TENM4: variants seen among roughly 807,000 people sequenced by gnomAD.
The protein encoded by TENM4 is teneurin transmembrane protein 4.
In TENM4, 82 loss-of-function variants were observed where a neutral mutation model predicts 243.3. The observed-to-expected ratio is 0.34, with a 90% CI of 0.28 to 0.40. TENM4 has a LOEUF of 0.40. Among genes scored for constraint, TENM4 ranks in the 10% least tolerant of loss-of-function variants. The probability of loss-of-function intolerance (pLI) is 1.00; values close to 1 mark genes in which losing one functional copy is unlikely to be tolerated. For synonymous variants in TENM4, 1,412 were observed against 1,456.3 expected, an observed-to-expected ratio of 0.97 and a Z score of 0.69; for missense variants, 3,138 against 3,673.3, an observed-to-expected ratio of 0.85 and a Z score of 3.77.
intron 1 of TENM4, among the ~76,000 whole-genome samples, chr11:79,397,068 C>G (rs1051217990): frequency 2.0e-5 from 3 of 152,096 alleles, no homozygotes; most frequent in African/African-American, 7.2e-5. Flanking sequence ...GACCTCTGGG[C>G]CTCAGAAGAG....
intron 4 of TENM4, among the ~76,000 whole-genome samples, chr11:79,081,790 T>C (rs7124001): frequency 0.93 from 141,755 of 152,082 alleles, 66,461 homozygotes; most frequent in Middle Eastern, 0.99. Context: ...GAAGAAAATT[T>C]CTGTTTTTAT....
At chr11:79,430,483 C>T (rs902370440) in intron 1 of TENM4, among the ~76,000 whole-genome samples, 1 of 152,204 alleles carries the variant, frequency 6.6e-6, no homozygotes, top group African/African-American at 2.4e-5. Flanking sequence ...TGCCTACTCT[C>T]CCTCTTCTGG....
intron 2 of TENM4, among the ~76,000 whole-genome samples, chr11:79,224,013 C>G (rs1303124174): frequency 9.2e-5 from 14 of 152,190 alleles, no homozygotes; most frequent in Admixed American, 9.2e-4. Context: ...ATACAAGACC[C>G]TCCAGAGCTC....
At position 79,343,790 on chromosome 11, in the gene TENM4, G is replaced by A. The variant is rs561873019; in HGVS notation, c.-320-46247C>T. ...CCTGGCACCCAATCAACAAGATGTTGAAGGTCAGCCATCTGGGGTCCTTTG... is the reference window on the plus strand; with the variant it reads ...CCTGGCACCCAATCAACAAGATGTTAAAGGTCAGCCATCTGGGGTCCTTTG... On this transcript the variant is annotated intron_variant, in intron 1 of 33. Transcript: ENST00000278550. Among the ~76,000 whole-genome samples, 12 of 152,326 alleles carry A rather than the reference G, an allele frequency of 7.9e-5. No individual in the cohort carries two copies. The South Asian group carries it at 1.9e-3, about 24-fold the overall frequency.
intron 1 of TENM4, among the ~76,000 whole-genome samples, chr11:79,431,845 A>G (rs1179144439): frequency 6.6e-6 from 1 of 152,228 alleles, no homozygotes; most frequent in African/African-American, 2.4e-5. Flanking sequence ...TGAATTACTC[A>G]GTAGTTGCCA....
intron 1 of TENM4, among the ~76,000 whole-genome samples, chr11:79,418,244 C>G (rs1459567871): frequency 6.6e-6 from 1 of 152,182 alleles, no homozygotes; most frequent in Admixed American, 6.5e-5. Flanking sequence ...GACAGAGATG[C>G]AGGACATTTC....
At chr11:79,373,124 C>T (rs1016333134) in intron 1 of TENM4, among the ~76,000 whole-genome samples, 2 of 152,128 alleles carry the variant, frequency 1.3e-5, no homozygotes, top group Admixed American at 6.5e-5. Flanking sequence ...TTGTCTTTTT[C>T]ACTGCTGTAT....
At chr11:79,436,379 T>A (rs1859271359) in intron 1 of TENM4, among the ~76,000 whole-genome samples, 1 of 152,060 alleles carries the variant, frequency 6.6e-6, no homozygotes, top group Non-Finnish European at 1.5e-5. Flanking sequence ...TGTTGCAAAC[T>A]AAGTAATATT....
intron 2 of TENM4, among the ~76,000 whole-genome samples, chr11:79,296,059 T>C (rs183505298): frequency 4.6e-5 from 7 of 152,238 alleles, no homozygotes. Flanking sequence ...TACACATATA[T>C]TGTAAGACAG....
At chr11:79,078,100 G>T (rs1217565350) in intron 4 of TENM4, among the ~76,000 whole-genome samples, 3 of 152,156 alleles carry the variant, frequency 2.0e-5, no homozygotes, top group Admixed American at 6.5e-5. Context: ...ACAGTACAGT[G>T]CTCGAAAAAA....
chr11:78,846,809 A>G (rs1858405006), intron 12 of TENM4, among the ~76,000 whole-genome samples: 1 of 152,152 alleles, frequency 6.6e-6, no homozygotes. Flanking sequence ...TCTTTGTTGA[A>G]CCAAACAGAC....
intron 4 of TENM4, chr11:79,093,357 C>T (rs1003587221): frequency 1.3e-5 from 2 of 152,232 alleles, no homozygotes; most frequent in African/African-American, 4.8e-5. Context: ...TAAAGGTAAG[C>T]TCTGCTGGCC....
At chr11:78,768,062 C>T (rs766759279) in intron 18 of TENM4, among the ~76,000 whole-genome samples, 3 of 152,212 alleles carry the variant, frequency 2.0e-5, no homozygotes, top group African/African-American at 7.2e-5. Context: ...AAACTGCCCC[C>T]GTTTGGCCAA....
intron 2 of TENM4, among the ~76,000 whole-genome samples, chr11:79,242,033 G>T (rs1340351624): frequency 1.3e-5 from 2 of 152,280 alleles, no homozygotes; most frequent in Non-Finnish European, 2.9e-5. Context: ...TTGCATTTGG[G>T]CCCCATCTCA....
At chr11:79,357,914 TC>T (rs1445564960) in intron 1 of TENM4, among the ~76,000 whole-genome samples, 2 of 152,190 alleles carry the variant, frequency 1.3e-5, no homozygotes, top group African/African-American at 4.8e-5. Flanking sequence ...AACACTCAAT[TC>T]CTGGAACATC....
At chr11:78,998,800 T>C (rs1053096909) in intron 6 of TENM4, among the ~76,000 whole-genome samples, 5 of 152,246 alleles carry the variant, frequency 3.3e-5, no homozygotes, top group Middle Eastern at 3.4e-3. Context: ...TCTGGTAGCA[T>C]GAGGTCATAG....
At chr11:79,246,843 A>C (rs1056674474) in intron 2 of TENM4, among the ~76,000 whole-genome samples, 2 of 149,504 alleles carry the variant, frequency 1.3e-5, no homozygotes, top group Non-Finnish European at 3.0e-5. Context: ...GTTTCTTGGG[A>C]GGAGCCCAAG....
intron 20 of TENM4, 86 bp downstream of exon 20, chr11:78,738,365 T>A: frequency 1.3e-6 from 2 of 1,503,816 alleles, no homozygotes; most frequent in Non-Finnish European, 1.8e-6. Flanking sequence ...CCATCCTCTT[T>A]CCACATTATC....
At chr11:78,913,118 G>A (rs959737361) in intron 6 of TENM4, among the ~76,000 whole-genome samples, 1 of 152,188 alleles carries the variant, frequency 6.6e-6, no homozygotes. Flanking sequence ...ACAGCAAGTC[G>A]TGTATTATAT....
Sources: gnomAD v4.1 joint callset for allele counts (sites outside exome capture counted in the v4.1 genomes callset) on GRCh38, gnomAD v4.1.1 for gene constraint, MANE v1.5 for transcripts, NCBI Gene and HGNC (gene_info 2026-07-23, HGNC 2026-07-21) for gene names.